The following PTPRM variants were observed in gnomAD, a reference collection of about 807,000 sequenced individuals.
PTPRM encodes protein tyrosine phosphatase receptor type M.
PTPRM carries 47 observed loss-of-function variants against 186.7 expected under a neutral mutation model. The observed-to-expected ratio is 0.25, with a 90% CI of 0.20 to 0.32. The LOEUF is 0.32. PTPRM is among the 10% of genes least tolerant of loss of function. The pLI is 1.00. For synonymous variants in PTPRM, 668 were observed against 674.9 expected, an observed-to-expected ratio of 0.99 and a Z score of 0.16; for missense variants, 1,494 against 1,865.0, an observed-to-expected ratio of 0.80 and a Z score of 3.66.
At position 7,947,686 on chromosome 18, in the gene PTPRM, C is replaced by T. The variant is rs985420572; in HGVS notation, c.664-1495C>T. Among the ~76,000 whole-genome samples, 3 of 152,138 alleles carry T rather than the reference C, an allele frequency of 2.0e-5. 1 individual carries two copies. Among genetic ancestry groups the T allele is most frequent in the African/African-American group, 4.8e-5 (2 of 41,444 alleles). ...TATAACTAGAATGCTCTTCCCCTCT[C>T]ACCCTTCCCCTTTGCCTGGTTAGCT... On this transcript the variant is annotated intron_variant, in intron 5 of 32. Transcript: ENST00000580170.
At chr18:7,785,368 G>A (rs777578724) in intron 2 of PTPRM, among the ~76,000 whole-genome samples, 2 of 152,148 alleles carry the variant, frequency 1.3e-5, no homozygotes, top group Non-Finnish European at 2.9e-5. Context: ...CTCGTTCTTA[G>A]GAGATTCATG....
chr18:8,136,798 A>AT (rs2092649713), intron 13 of PTPRM, among the ~76,000 whole-genome samples: 1 of 151,718 alleles, frequency 6.6e-6, no homozygotes, highest in Non-Finnish European at 1.5e-5. Context: ...AGCTGGAAAA[A>AT]ACTAAACAAG....
At chr18:7,569,950 T>C (rs1039357344) in intron 1 of PTPRM, among the ~76,000 whole-genome samples, 3 of 152,138 alleles carry the variant, frequency 2.0e-5, no homozygotes, top group South Asian at 2.1e-4. Flanking sequence ...CTCAGAAACG[T>C]TGAACTTTAA....
intron 2 of PTPRM, among the ~76,000 whole-genome samples, chr18:7,799,756 G>A (rs1265796129): frequency 6.6e-6 from 1 of 152,012 alleles, no homozygotes; most frequent in Non-Finnish European, 1.5e-5. Context: ...ACATTTTTAT[G>A]TTGAACATGT....
intron 13 of PTPRM, among the ~76,000 whole-genome samples, chr18:8,124,974 G>A (rs1029900435): frequency 1.1e-4 from 17 of 152,050 alleles, no homozygotes; most frequent in African/African-American, 3.1e-4. Flanking sequence ...GTACTGGTAC[G>A]TGGTGCTTGC....
chr18:8,235,696 T>TA (rs2094338312), intron 14 of PTPRM, among the ~76,000 whole-genome samples: 1 of 152,108 alleles, frequency 6.6e-6, no homozygotes, highest in East Asian at 1.9e-4. Flanking sequence ...TTTTGTCTAA[T>TA]ATGTGCATCC....
rs755465679 is a variant in PTPRM at position 8,232,941 on chromosome 18, G to A, written c.2301-11117G>A. ...GGTGGTGGTTGTCAGGTAATTGTCA[G>A]TCGGCCATTTGGTTCACAGCAGGCT... On this transcript the variant is annotated intron_variant, in intron 14 of 32. Transcript: ENST00000580170. Among the ~76,000 whole-genome samples, 10 of 152,152 alleles carry A rather than the reference G, an allele frequency of 6.6e-5. No homozygotes were observed. In the East Asian group the frequency reaches 1.4e-3, roughly 21 times the overall value.
intron 23 of PTPRM, among the ~76,000 whole-genome samples, chr18:8,348,679 G>A (rs1216935437): frequency 2.6e-5 from 4 of 152,222 alleles, no homozygotes; most frequent in Admixed American, 2.6e-4. Context: ...GTATTGAGCT[G>A]TTCCATCTGC....
chr18:8,118,480 C>A (rs576781972), intron 13 of PTPRM, among the ~76,000 whole-genome samples: 4 of 152,230 alleles, frequency 2.6e-5, no homozygotes, highest in African/African-American at 9.6e-5. Context: ...TGCTTCCCAG[C>A]ACGAATTTTT....
intron 23 of PTPRM, among the ~76,000 whole-genome samples, chr18:8,357,935 A>G (rs562039481): frequency 2.4e-4 from 36 of 152,322 alleles, no homozygotes; most frequent in African/African-American, 8.2e-4. Flanking sequence ...TTTTTCTCCA[A>G]TCTTATTGAA....
chr18:7,872,158 A>G (rs1454972919), intron 2 of PTPRM, among the ~76,000 whole-genome samples: 1 of 152,212 alleles, frequency 6.6e-6, no homozygotes, highest in Non-Finnish European at 1.5e-5. Context: ...TTCAGTTGTC[A>G]GCATAAACTG....
rs115044178 is a variant in PTPRM at position 7,783,700 on chromosome 18, T to C, written c.196+9429T>C. Among the ~76,000 whole-genome samples, 1,218 of 151,630 alleles carry C rather than the reference T, an allele frequency of 8.0e-3. 16 individuals are homozygous for C. The highest frequency in any genetic ancestry group is 0.028 in the African/African-American group (1,164 of 41,296). On this transcript the variant is annotated intron_variant, in intron 2 of 32. Transcript: ENST00000580170. ...GATCCTCCTGCTTGGGCCTCTGGAG[T>C]ATCTGGGACTATAGGTGCATGCCAC... is the stretch of plus-strand genomic sequence containing the variant.
At chr18:7,934,266 A>G (rs887666111) in intron 5 of PTPRM, among the ~76,000 whole-genome samples, 1 of 152,184 alleles carries the variant, frequency 6.6e-6, no homozygotes, top group African/African-American at 2.4e-5. Context: ...TCTTAAAAAA[A>G]CTTACTTAGA....
intron 11 of PTPRM, among the ~76,000 whole-genome samples, chr18:8,100,151 T>C (rs535373418): frequency 3.9e-5 from 6 of 152,068 alleles, no homozygotes; most frequent in South Asian, 4.2e-4. Flanking sequence ...TGTGTGTGTA[T>C]GTGTGGAAAC....
At chr18:7,662,125 G>T (rs1001414598) in intron 1 of PTPRM, among the ~76,000 whole-genome samples, 1 of 152,000 alleles carries the variant, frequency 6.6e-6, no homozygotes, top group African/African-American at 2.4e-5. Flanking sequence ...TTGTAGAGAT[G>T]AGGTTTCTTC....
intron 20 of PTPRM, among the ~76,000 whole-genome samples, chr18:8,313,713 C>T (rs2095286558): frequency 6.6e-6 from 1 of 152,044 alleles, no homozygotes; most frequent in African/African-American, 2.4e-5. Context: ...ACACGGTACC[C>T]AGTGTGTAGT....
At chr18:7,701,836 C>T (rs1380829418) in intron 1 of PTPRM, among the ~76,000 whole-genome samples, 1 of 151,996 alleles carries the variant, frequency 6.6e-6, no homozygotes, top group Non-Finnish European at 1.5e-5. Flanking sequence ...TTAGGTATTA[C>T]TCCTAATTTT....
intron 11 of PTPRM, among the ~76,000 whole-genome samples, chr18:8,092,955 C>T (rs1302791739): frequency 6.6e-6 from 1 of 152,048 alleles, no homozygotes; most frequent in Admixed American, 6.6e-5. Context: ...CAAGATCAGC[C>T]TGGACAACAT....
chr18:8,378,856 C>T (rs2095712815), intron 27 of PTPRM, among the ~76,000 whole-genome samples: 1 of 152,204 alleles, frequency 6.6e-6, no homozygotes, highest in South Asian at 2.1e-4. Flanking sequence ...CAAGGCCAGA[C>T]TCTTCCCCCA....
Sources: gnomAD v4.1 joint callset for allele counts (sites outside exome capture counted in the v4.1 genomes callset) on GRCh38, gnomAD v4.1.1 for gene constraint, MANE v1.5 for transcripts, NCBI Gene and HGNC (gene_info 2026-07-23, HGNC 2026-07-21) for gene names.